Variants in PCDHGB1 observed in about 807,000 individuals in gnomAD.
PCDHGB1 encodes protocadherin gamma-B1.
Under a neutral mutation model 56.6 loss-of-function variants are expected in PCDHGB1, and 34 were observed. The ratio of observed to expected loss-of-function variants is 0.60; its 90% CI spans 0.46 to 0.80. PCDHGB1 has a LOEUF of 0.80. PCDHGB1 is among the 30% of genes least tolerant of loss of function. PCDHGB1 has a pLI of 0.00. For missense variants in PCDHGB1, 1,278 were observed against 1,204.6 expected, an observed-to-expected ratio of 1.06 and a Z score of -0.90; for synonymous variants, 561 against 505.9, an observed-to-expected ratio of 1.11 and a Z score of -1.46.
chr5:141,359,903 A>G (rs989342788), intron 1 of PCDHGB1: 1 of 412,252 alleles, frequency 2.4e-6, no homozygotes, highest in Non-Finnish European at 4.3e-6. Context: ...TTGACAAGCC[A>G]TTAGTGCAGT....
intron 1 of PCDHGB1, chr5:141,408,026 G>A (rs1484571389): frequency 2.8e-6 from 3 of 1,081,716 alleles, no homozygotes; most frequent in African/African-American, 3.2e-5. Context: ...ACAACAGAAA[G>A]AAGAAAACCA....
At chr5:141,492,163 C>T (rs921256341) in intron 1 of PCDHGB1, among the ~76,000 whole-genome samples, 22 of 152,232 alleles carry the variant, frequency 1.4e-4, no homozygotes, top group African/African-American at 5.3e-4. Context: ...CCTCCCTATC[C>T]CCGCATCACC....
chr5:141,426,805 A>G (rs1222690899), intron 1 of PCDHGB1: 2 of 456,720 alleles, frequency 4.4e-6, no homozygotes, highest in African/African-American at 2.0e-5. Flanking sequence ...CTCAGTTCTA[A>G]TGAACATTTC....
chr5:141,414,463 G>T, intron 1 of PCDHGB1: 1 of 1,613,932 alleles, frequency 6.2e-7, no homozygotes. Flanking sequence ...GACAGCCACA[G>T]ATGGGGGAAG....
In PCDHGB1 at chr5:141,432,847, G is replaced by C. The variant is rs768265171; in HGVS notation, c.2410-61960G>C. ...ACCTCACTCTGTACCTGGTGGTAGC[G>C]GTGGCCGCGGTCTCCTGCGTCTTCC... On this transcript the variant is annotated intron_variant, in intron 1 of 3. Transcript: ENST00000523390. The surrounding 1 kb of genome is among the most constrained non-coding windows in gnomAD (Gnocchi z 6.0). The C allele has an allele frequency of 1.2e-6, 2 of 1,614,180 alleles. No homozygotes were observed. Among genetic ancestry groups the C allele is most frequent in the Admixed American group, 1.7e-5 (1 of 60,032 alleles).
In PCDHGB1 at chr5:141,476,240, G is replaced by A. The variant is rs762604058; in HGVS notation, c.2410-18567G>A. On this transcript the variant is annotated intron_variant, in intron 1 of 3. Coordinates refer to ENST00000523390, the MANE Select transcript of PCDHGB1 (RefSeq NM_018922.3). This position sits in a 1 kb window ranked among gnomAD's most constrained non-coding sequence, Gnocchi z 7.6. ...TCACTATGAGATCCCGGAGGAAAGAGAGAAGGGTTTCGCTGTGGGCAACGT... is the reference window on the plus strand; with the variant it reads ...TCACTATGAGATCCCGGAGGAAAGAAAGAAGGGTTTCGCTGTGGGCAACGT... The A allele has an allele frequency of 4.3e-6, 7 of 1,613,986 alleles. No individual in the cohort carries two copies. The highest frequency in any genetic ancestry group is 1.7e-6 in the Non-Finnish European group (2 of 1,180,030).
chr5:141,375,317 C>A (rs758382127), intron 1 of PCDHGB1: 10 of 1,613,790 alleles, frequency 6.2e-6, no homozygotes, highest in South Asian at 2.2e-5. Flanking sequence ...AGCTCTAGAC[C>A]GGGAAGAGGT....
intron 1 of PCDHGB1, among the ~76,000 whole-genome samples, chr5:141,368,196 G>T (rs1437997648): frequency 1.3e-5 from 2 of 152,104 alleles, no homozygotes; most frequent in Non-Finnish European, 2.9e-5. Flanking sequence ...AGGGGAAAAG[G>T]TAATAAAATA....
intron 1 of PCDHGB1, among the ~76,000 whole-genome samples, chr5:141,359,860 AAG>A (rs1033135991): frequency 6.6e-6 from 1 of 152,190 alleles, no homozygotes; most frequent in Non-Finnish European, 1.5e-5. Context: ...TAAATTAAAA[AAG>A]AAAAGAAAAG....
chr5:141,366,571 G>A (rs1764656817), intron 1 of PCDHGB1: 4 of 1,614,112 alleles, frequency 2.5e-6, no homozygotes, highest in South Asian at 2.2e-5. Flanking sequence ...ATGGGGTTCG[G>A]GCTTTCCTGC....
chr5:141,490,010 T>C lies in PCDHGB1; in HGVS notation c.2410-4797T>C, dbSNP rs749356078. On this transcript the variant is annotated intron_variant, in intron 1 of 3. Coordinates refer to ENST00000523390, the MANE Select transcript of PCDHGB1 (RefSeq NM_018922.3). The surrounding 1 kb of genome is among the most constrained non-coding windows in gnomAD (Gnocchi z 5.4). ...GTGGGAATCCCAGAGAATGCACCCA[T>C]TGGTACTCTGCTGCTCCGCCTCAAT... 11 of 1,614,198 alleles carry C rather than the reference T, an allele frequency of 6.8e-6. No homozygotes were observed. The highest frequency in any genetic ancestry group is 2.2e-5 in the South Asian group (2 of 91,082).
rs755254491 is a variant in PCDHGB1, at chr5:141,409,746, T to TCG, written c.2409+57081_2409+57082dup. On this transcript the variant is annotated intron_variant, in intron 1 of 3. Transcript: ENST00000523390. ...GTGAGCGCGCAGAGCGGGGTGGTGT[T>TCG]CGCGCAGCGCGCCTTTGATCACGAG... The TCG allele has an allele frequency of 3.1e-6, 5 of 1,613,024 alleles. No homozygotes were observed. The South Asian group carries it at 5.5e-5, about 18-fold the overall frequency.
intron 1 of PCDHGB1, chr5:141,384,141 ACT>A (rs765902130): frequency 2.4e-5 from 38 of 1,612,656 alleles, no homozygotes; most frequent in Admixed American, 1.8e-4. Context: ...ACCGGGAAAC[ACT>A]CTCTTTGTAT....
chr5:141,482,492 T>C (rs1167963137), intron 1 of PCDHGB1, among the ~76,000 whole-genome samples: 1 of 144,468 alleles, frequency 6.9e-6, no homozygotes, highest in Non-Finnish European at 1.5e-5. Flanking sequence ...TTAAAAGTTA[T>C]CATTCTGGTA....
intron 1 of PCDHGB1, chr5:141,413,173 A>G: frequency 6.2e-7 from 1 of 1,600,856 alleles, no homozygotes; most frequent in African/African-American, 1.3e-5. Context: ...TAACCAGACT[A>G]CAATGGCCGC....
intron 1 of PCDHGB1, among the ~76,000 whole-genome samples, chr5:141,449,616 G>A (rs1279953840): frequency 1.6e-4 from 24 of 146,738 alleles, no homozygotes; most frequent in Non-Finnish European, 2.3e-4. Flanking sequence ...AAGTAAAAAA[G>A]TTTTTTAAAA....
chr5:141,431,016 C>T lies in PCDHGB1; in HGVS notation c.2410-63791C>T, dbSNP rs755015257. Reference sequence around the variant, plus strand: ...AATCCGCGCAGCGGCAGCTTGGTCACGGCGGGCAGGATAGACCGGGAGGAG... The same window carrying T: ...AATCCGCGCAGCGGCAGCTTGGTCATGGCGGGCAGGATAGACCGGGAGGAG... On this transcript the variant is annotated intron_variant, in intron 1 of 3. Transcript: ENST00000523390. This position sits in a 1 kb window ranked among gnomAD's most constrained non-coding sequence, Gnocchi z 4.8. 3 of 1,613,456 alleles carry T rather than the reference C, an allele frequency of 1.9e-6. No individual in the cohort carries two copies. The highest frequency in any genetic ancestry group is 2.2e-5 in the South Asian group (2 of 91,058).
rs182404532 is a variant in PCDHGB1 at position 141,384,827 on chromosome 5, T to G, written c.2409+32158T>G. ...AGAGATGCCCTCAAGCAGAGCCTCGTGGTGGCCGTCCAGGACCACGGTCAG... is the reference window on the plus strand; with the variant it reads ...AGAGATGCCCTCAAGCAGAGCCTCGGGGTGGCCGTCCAGGACCACGGTCAG... On this transcript the variant is annotated intron_variant, in intron 1 of 3. Coordinates refer to ENST00000523390, the MANE Select transcript of PCDHGB1 (RefSeq NM_018922.3). 8,704 of 1,613,474 alleles carry G rather than the reference T, an allele frequency of 5.4e-3. 36 individuals carry two copies. The highest frequency in any genetic ancestry group is 6.5e-3 in the Non-Finnish European group (7,724 of 1,179,900).
intron 1 of PCDHGB1, chr5:141,420,199 C>G (rs764130526): frequency 6.2e-7 from 1 of 1,613,362 alleles, no homozygotes; most frequent in Non-Finnish European, 8.5e-7. Flanking sequence ...CACAAGATAA[C>G]CTCAACAAAG....
Sources: allele counts gnomAD v4.1 joint callset (sites outside exome capture counted in the v4.1 genomes callset), GRCh38; gene constraint gnomAD v4.1.1; non-coding constraint Gnocchi (gnomAD v3.1); transcripts MANE v1.5; gene names NCBI Gene and HGNC (gene_info 2026-07-23, HGNC 2026-07-21).